Variants in EVI5 observed in about 807,000 individuals in gnomAD.
EVI5 encodes ecotropic viral integration site 5.
EVI5 carries 73 observed loss-of-function variants against 112.0 expected under a neutral mutation model. The ratio of observed to expected loss-of-function variants is 0.65; its 90% CI spans 0.54 to 0.79. The LOEUF (loss-of-function observed/expected upper bound fraction) is 0.79. EVI5 is among the 30% of genes least tolerant of loss of function. The pLI is 0.00. For synonymous variants in EVI5, 305 were observed against 319.9 expected (o/e 0.95, Z 0.50); for missense variants, 900 against 968.8 (o/e 0.93, Z 0.94).
intron 19 of EVI5, among the ~76,000 whole-genome samples, chr1:92,525,182 G>A (rs1410055042): frequency 3.3e-5 from 5 of 152,000 alleles, no homozygotes; most frequent in East Asian, 1.9e-4. Context: ...CACATACATC[G>A]GGGTGTGCGT....
chr1:92,721,477 T>C (rs1046354807), intron 2 of EVI5, among the ~76,000 whole-genome samples: 1 of 151,972 alleles, frequency 6.6e-6, no homozygotes, highest in Non-Finnish European at 1.5e-5. Context: ...AATTGAACAA[T>C]GAAAACACTT....
In EVI5 at chr1:92,703,483, C is replaced by T. The variant is rs748958686; in HGVS notation, c.476G>A (p.Arg159Gln). 2.5e-6 allele frequency: 4 copies of T among 1,601,216 alleles called. No homozygotes were observed. Among genetic ancestry groups the T allele is most frequent in the South Asian group, 1.1e-5 (1 of 87,884 alleles). Residue 159 changes from arginine to glutamine, a missense_variant, in exon 4 of 20, where the codon CGA (arginine) becomes CAA (glutamine). Arg to Gln is a conservative substitution (Grantham distance 43). Coordinates refer to ENST00000684568, the MANE Select transcript of EVI5 (RefSeq NM_001350197.2). ...KMTSPCEKLIRRDIARTYPEH... is the reference protein window; with the variant it reads ...KMTSPCEKLIQRDIARTYPEH... ...AGGGTAAGTTCTAGCAATGTCCCTT[C>T]GGATCAATTTTTCACAAGGCGAGGT...
At position 92,589,892 on chromosome 1, in the gene EVI5, G is replaced by A. The variant is rs538258617; in HGVS notation, c.2070+15415C>T. 3.3e-5 allele frequency among the ~76,000 whole-genome samples: 5 copies of A among 152,266 alleles called. No homozygotes were observed. The East Asian group carries it at 5.8e-4, about 18-fold the overall frequency. On this transcript the variant is annotated intron_variant, in intron 18 of 19. Coordinates refer to ENST00000684568, the MANE Select transcript of EVI5 (RefSeq NM_001350197.2). ...GTATGGGCAGACTGACACCTCACACGGCCGGGTACCCCTCTGAGACAAAGC... is the reference window on the plus strand; with the variant it reads ...GTATGGGCAGACTGACACCTCACACAGCCGGGTACCCCTCTGAGACAAAGC...
chr1:92,681,500 A>G (rs937598355), intron 9 of EVI5, among the ~76,000 whole-genome samples: 21 of 152,090 alleles, frequency 1.4e-4, no homozygotes, highest in Admixed American at 9.8e-4. Flanking sequence ...CTAAGATTCA[A>G]CTCTTACAAC....
At chr1:92,583,768 AAT>A (rs2101119150) in intron 18 of EVI5, among the ~76,000 whole-genome samples, 2 of 148,966 alleles carry the variant, frequency 1.3e-5, no homozygotes, top group South Asian at 4.2e-4. Flanking sequence ...CCAGATATCT[AAT>A]ATAACAAACT....
intron 2 of EVI5, among the ~76,000 whole-genome samples, chr1:92,715,255 C>T (rs772296056): frequency 2.0e-5 from 3 of 152,072 alleles, no homozygotes; most frequent in Non-Finnish European, 4.4e-5. Flanking sequence ...GTGATCCACC[C>T]GCCTCGGCCT....
chr1:92,622,182 A>T (rs1654747340), intron 16 of EVI5: 2 of 192,514 alleles, frequency 1.0e-5, no homozygotes, highest in African/African-American at 4.8e-5. Flanking sequence ...TGAATCTAGC[A>T]ATGGGAATGT....
At chr1:92,649,866 G>C (rs1287937046) in intron 13 of EVI5, among the ~76,000 whole-genome samples, 1 of 152,152 alleles carries the variant, frequency 6.6e-6, no homozygotes, top group African/African-American at 2.4e-5. Context: ...TTTGTATACA[G>C]TATGTTAGGC....
At chr1:92,662,405 A>G (rs771710002) in intron 13 of EVI5, among the ~76,000 whole-genome samples, 1 of 152,210 alleles carries the variant, frequency 6.6e-6, no homozygotes, top group African/African-American at 2.4e-5. Context: ...CTATTATGAA[A>G]ACAGATTTCT....
chr1:92,647,509 G>T, intron 13 of EVI5: 1 of 508,578 alleles, frequency 2.0e-6, no homozygotes, highest in Non-Finnish European at 3.7e-6. Context: ...CCACCTCTCA[G>T]AGCACTTCTT....
Position 92,676,072 on chromosome 1 carries a change from T to C in EVI5, c.1158+1086A>G, listed in dbSNP as rs567489505. 2.1e-5 allele frequency among the ~76,000 whole-genome samples: 3 copies of C among 145,906 alleles called. No individual in the cohort carries two copies. In the South Asian group the frequency reaches 6.4e-4, roughly 31 times the overall value. On this transcript the variant is annotated intron_variant, in intron 10 of 19. Transcript: ENST00000684568. Reference sequence around the variant, plus strand: ...AACATCCACAGGGGTCTTTTCTATATATATAAAAAATGTGGAAGTATCTAC... The same window carrying C: ...AACATCCACAGGGGTCTTTTCTATACATATAAAAAATGTGGAAGTATCTAC...
chr1:92,579,006 C>T (rs974604670), intron 18 of EVI5, among the ~76,000 whole-genome samples: 7 of 152,160 alleles, frequency 4.6e-5, no homozygotes, highest in African/African-American at 1.7e-4. Context: ...AGTCATCATA[C>T]CCAGCCTAAA....
intron 18 of EVI5, among the ~76,000 whole-genome samples, chr1:92,581,815 A>G (rs1439955101): frequency 6.6e-6 from 1 of 152,198 alleles, no homozygotes; most frequent in Non-Finnish European, 1.5e-5. Context: ...TTTACACAGA[A>G]AGTACTTAAA....
chr1:92,513,749 T>C lies in EVI5; in HGVS notation c.2388A>G (p.Thr796=). 2 of 1,613,876 alleles carry C rather than the reference T, an allele frequency of 1.2e-6. No homozygotes were observed. The highest frequency in any genetic ancestry group is 1.7e-6 in the Non-Finnish European group (2 of 1,179,906). The change falls in exon 20 of 20, where the codon ACA becomes ACG. Residue 796 remains threonine (T), a synonymous_variant. Coordinates refer to ENST00000684568, the MANE Select transcript of EVI5 (RefSeq NM_001350197.2). ...PAVADGSESE[T]EDSVLETRES... ...CTCTGGTCTCCAGCACACTGTCTTC[T>C]GTTTCGCTCTCACTACCATCTGCCA...
upstream of EVI5, chr1:92,785,174 G>A (rs1685479128): frequency 2.2e-6 from 2 of 916,912 alleles, no homozygotes; most frequent in Non-Finnish European, 2.6e-6. Context: ...GGTTGGAGCA[G>A]GTTAGGGGCC....
At chr1:92,603,791 T>C (rs1348712070) in intron 18 of EVI5, among the ~76,000 whole-genome samples, 2 of 152,068 alleles carry the variant, frequency 1.3e-5, no homozygotes, top group Non-Finnish European at 2.9e-5. Context: ...TGCAGTGCTG[T>C]GATCATGGCT....
chr1:92,541,183 T>C (rs1220601289), intron 19 of EVI5, among the ~76,000 whole-genome samples: 1 of 152,228 alleles, frequency 6.6e-6, no homozygotes, highest in Non-Finnish European at 1.5e-5. Context: ...TCTAGTCATA[T>C]AGTTGTTTCA....
intron 18 of EVI5, 86 bp from the exon 19 acceptor site, chr1:92,563,823 T>C (rs1221529879): frequency 5.5e-6 from 4 of 727,642 alleles, no homozygotes; most frequent in African/African-American, 3.5e-5. Flanking sequence ...AGGAAAAGCA[T>C]AGGCACATAC....
At position 92,513,669 on chromosome 1, in the gene EVI5, G is replaced by GA; in HGVS notation, c.2467dup (p.Ser823PhefsTer11). 2 of 1,604,846 alleles carry GA rather than the reference G, an allele frequency of 1.2e-6. No homozygotes were observed. The highest frequency in any genetic ancestry group is 1.7e-6 in the Non-Finnish European group (2 of 1,174,618). Reference sequence around the variant, plus strand: ...TCACAGTGATGGTCAGACAGTGGTTGAATACGACTCTCTTCTTCTCGGGGG... The same window carrying GA: ...TCACAGTGATGGTCAGACAGTGGTTGAAATACGACTCTCTTCTTCTCGGGGG... On this transcript the variant is annotated frameshift_variant, in exon 20 of 20. Coordinates refer to ENST00000684568, the MANE Select transcript of EVI5 (RefSeq NM_001350197.2). LOFTEE classifies it high-confidence loss of function.
Sources: gnomAD v4.1 joint callset for allele counts (sites outside exome capture counted in the v4.1 genomes callset) on GRCh38, gnomAD v4.1.1 for gene constraint, MANE v1.5 for transcripts, NCBI Gene and HGNC (gene_info 2026-07-23, HGNC 2026-07-21) for gene names.